LOXHD1: variants seen among roughly 807,000 people sequenced by gnomAD.
LOXHD1 encodes lipoxygenase homology domain-containing protein 1.
A neutral mutation model predicts 248.2 loss-of-function variants in LOXHD1; 205 were observed. The observed-to-expected ratio is 0.83, with a 90% confidence interval of 0.74 to 0.93. The LOEUF (loss-of-function observed/expected upper bound fraction) is 0.93, where lower values mean the gene tolerates loss of function less well. Among genes scored for constraint, LOXHD1 ranks in the 40% least tolerant of loss-of-function variants. The pLI, the probability that LOXHD1 is intolerant of heterozygous loss-of-function variation, is 0.00. For missense variants in LOXHD1, 2,930 were observed against 2,971.6 expected, an observed-to-expected ratio of 0.99 and a Z score of 0.33; for synonymous variants, 1,113 against 1,162.8, an observed-to-expected ratio of 0.96 and a Z score of 0.87.
chr18:46,651,988 C>T (rs114670188), intron 1 of LOXHD1, among the ~76,000 whole-genome samples: 186 of 152,302 alleles, frequency 1.2e-3, no homozygotes, highest in South Asian at 2.9e-3. Flanking sequence ...ACACCCTAAA[C>T]GCCCATCAAC....
At chr18:46,643,952 C>T (rs2038996057) in intron 2 of LOXHD1, among the ~76,000 whole-genome samples, 1 of 152,110 alleles carries the variant, frequency 6.6e-6, no homozygotes, top group South Asian at 2.1e-4. Context: ...AACAGGATAC[C>T]ATCTTCATTT....
Position 46,477,721 on chromosome 18 carries a change from C to T in LOXHD1, c.6573G>A (p.Lys2191=). ...GCTCGAAGAGGTTGCGCATTTTCTG[C>T]TTCAGCTCCCGCTTGCCTGTGTCTC... The part of the protein sequence containing the change: ...ANGDTGKREL[K]QKMRNLFERG... Residue 2191 remains lysine, a synonymous_variant, in exon 41 of 41, where the codon AAG becomes AAA. Coordinates refer to ENST00000642948, the MANE Select transcript of LOXHD1 (RefSeq NM_001384474.1). 1 of 1,551,940 alleles carries T rather than the reference C, an allele frequency of 6.4e-7. No individual in the cohort carries two copies. Among genetic ancestry groups the T allele is most frequent in the Non-Finnish European group, 8.7e-7 (1 of 1,147,042 alleles).
chr18:46,504,388 G>A (rs1389383041), intron 37 of LOXHD1, among the ~76,000 whole-genome samples: 1 of 152,182 alleles, frequency 6.6e-6, no homozygotes, highest in Non-Finnish European at 1.5e-5. Flanking sequence ...TTACAGCTGT[G>A]AGCCACAGCC....
chr18:46,544,670 T>G, intron 23 of LOXHD1: 1 of 361,422 alleles, frequency 2.8e-6, no homozygotes. Flanking sequence ...GTTAAGCAAC[T>G]TGCCCAATGT....
intron 37 of LOXHD1, among the ~76,000 whole-genome samples, chr18:46,499,230 G>A (rs28584347): frequency 0.35 from 53,073 of 152,074 alleles, 10,645 homozygotes; most frequent in East Asian, 0.61. Flanking sequence ...GCACAGAGTA[G>A]GGAGCATCTA....
intron 19 of LOXHD1, 35 bp downstream of exon 19, chr18:46,560,048 T>TGCCTGCCCCCCC: frequency 2.4e-6 from 3 of 1,226,298 alleles, no homozygotes; most frequent in Non-Finnish European, 3.4e-6. Flanking sequence ...GTCTGGCCAC[T>TGCCTGCCCCCCC]CCCTCCCCAC....
chr18:46,628,350 G>A (rs1026417356), intron 4 of LOXHD1, among the ~76,000 whole-genome samples: 11 of 152,188 alleles, frequency 7.2e-5, no homozygotes, highest in African/African-American at 2.7e-4. Context: ...GTGGAGGAAA[G>A]TGCTGCAGGG....
At chr18:46,549,080 C>T (rs1003831435) in intron 21 of LOXHD1, among the ~76,000 whole-genome samples, 7 of 152,174 alleles carry the variant, frequency 4.6e-5, no homozygotes, top group Non-Finnish European at 8.8e-5. Flanking sequence ...GGACACCAGG[C>T]CTACTGACCC....
chr18:46,567,656 T>A lies in LOXHD1; in HGVS notation c.2245-1207A>T, dbSNP rs145607318. Among the ~76,000 whole-genome samples, 340 of 152,350 alleles carry A rather than the reference T, an allele frequency of 2.2e-3. 1 individual carries two copies. Among genetic ancestry groups the A allele is most frequent in the African/African-American group, 7.9e-3 (330 of 41,582 alleles). On this transcript the variant is annotated intron_variant, in intron 16 of 40. Transcript: ENST00000642948. ...CACTTCACACCTGACATAGACTAAT[T>A]GTTCAGTAGCATTTACTCAGCACTT...
chr18:46,617,430 TG>T (rs1367506192), intron 5 of LOXHD1, among the ~76,000 whole-genome samples: 1 of 152,226 alleles, frequency 6.6e-6, no homozygotes, highest in Non-Finnish European at 1.5e-5. Context: ...TCCCCTAGAT[TG>T]TTGAGCATGA....
At position 46,483,515 on chromosome 18, in the gene LOXHD1, C is replaced by T. The variant is rs1568070957; in HGVS notation, c.6341+72G>A. 7.8e-6 allele frequency: 12 copies of T among 1,530,606 alleles called. 1 individual carries two copies. The African/African-American group carries it at 1.1e-4, about 14-fold the overall frequency. The allele number at this position is 1,530,606 out of a possible 1,614,324, so 94.8% of individuals were successfully genotyped here. On this transcript the variant is annotated intron_variant, in intron 40 of 40. Transcript: ENST00000642948. ...GACCTCATCATACCCTGCTCTCTTG[C>T]CCATGGTCCAGCTCAGTCCCTGCCC...
At chr18:46,510,480 T>C (rs1466800066) in intron 34 of LOXHD1, among the ~76,000 whole-genome samples, 2 of 152,222 alleles carry the variant, frequency 1.3e-5, no homozygotes, top group Non-Finnish European at 2.9e-5. Context: ...CTATCTTTAT[T>C]CCTTACTGCT....
chr18:46,629,096 T>G (rs2038785213), intron 4 of LOXHD1, among the ~76,000 whole-genome samples: 1 of 152,112 alleles, frequency 6.6e-6, no homozygotes, highest in Non-Finnish European at 1.5e-5. Context: ...GGCCCTGACC[T>G]CTCCGTCTCC....
chr18:46,481,650 C>A (rs1226036589), intron 40 of LOXHD1, among the ~76,000 whole-genome samples: 1 of 152,180 alleles, frequency 6.6e-6, no homozygotes, highest in Non-Finnish European at 1.5e-5. Context: ...CAGGAAGAGC[C>A]CCTTCCTCAC....
chr18:46,530,539 C>G (rs1358366559), intron 28 of LOXHD1, among the ~76,000 whole-genome samples: 6 of 152,138 alleles, frequency 3.9e-5, no homozygotes, highest in Non-Finnish European at 8.8e-5. Context: ...GACTAAGGGC[C>G]AGGCCTCTAC....
intron 39 of LOXHD1, 36 bp from the exon 40 acceptor site, chr18:46,483,781 T>C: frequency 6.5e-7 from 1 of 1,542,484 alleles, no homozygotes; most frequent in Non-Finnish European, 8.8e-7. Context: ...TGAGCTGCCT[T>C]TGCCCACTGA....
chr18:46,639,404 C>A (rs1221792486), intron 4 of LOXHD1, among the ~76,000 whole-genome samples: 3 of 152,230 alleles, frequency 2.0e-5, no homozygotes. Flanking sequence ...GTATTTCCCA[C>A]CTCCTTGAAC....
rs139105581 is a variant in LOXHD1, at chr18:46,512,614, A to G, written c.5400-2799T>C. Among the ~76,000 whole-genome samples, 23 of 152,366 alleles carry G rather than the reference A, an allele frequency of 1.5e-4. 1 individual carries two copies. In the East Asian group the frequency reaches 4.2e-3, roughly 28 times the overall value. On this transcript the variant is annotated intron_variant, in intron 34 of 40. Transcript: ENST00000642948. ...CAAAATGAACCTACTGGGTGGTTCC[A>G]TGCTTAGACAGCTCTACTGATGGGG...
chr18:46,510,517 C>T (rs1049155484), intron 34 of LOXHD1, among the ~76,000 whole-genome samples: 123 of 152,272 alleles, frequency 8.1e-4, no homozygotes, highest in African/African-American at 2.7e-3. Context: ...ATGTACAATT[C>T]GACCTTCAAT....
Sources: allele counts gnomAD v4.1 joint callset (sites outside exome capture counted in the v4.1 genomes callset), GRCh38; gene constraint gnomAD v4.1.1; transcripts MANE v1.5; gene names NCBI Gene and HGNC (gene_info 2026-07-23, HGNC 2026-07-21).